CACNG7: variants seen among roughly 807,000 people sequenced by gnomAD.
CACNG7 encodes the protein calcium voltage-gated channel auxiliary subunit gamma 7.
Under a neutral mutation model 26.3 loss-of-function variants are expected in CACNG7, and 9 were observed. That is an observed-to-expected ratio of 0.34 (90% confidence interval 0.21 to 0.60). The LOEUF (loss-of-function observed/expected upper bound fraction) is 0.60, where lower values mean the gene tolerates loss of function less well. Ranked by LOEUF, CACNG7 falls within the 20% of genes least tolerant of loss-of-function variation. The probability of loss-of-function intolerance (pLI) is 0.81; values close to 1 mark genes in which losing one functional copy is unlikely to be tolerated. For missense variants in CACNG7, 297 were observed against 380.4 expected (o/e 0.78, Z 1.82); for synonymous variants, 170 against 157.0 (o/e 1.08, Z -0.62).
intron 4 of CACNG7, among the ~76,000 whole-genome samples, chr19:53,923,333 C>T (rs1250385841): frequency 1.8e-5 from 2 of 114,180 alleles, no homozygotes; most frequent in Non-Finnish European, 3.5e-5. Context: ...GGTGGAGTTG[C>T]CCCAGGCCTG....
rs1009795555 is a variant in CACNG7 at position 53,915,655 on chromosome 19, A to G, written c.424+150A>G. 6 of 897,564 alleles carry G rather than the reference A, an allele frequency of 6.7e-6. No homozygotes were observed. In the East Asian group the frequency reaches 1.3e-4, roughly 20 times the overall value. 55.6% of individuals were successfully genotyped at this position (897,564 alleles called of 1,614,324 possible). On this transcript the variant is annotated intron_variant, in intron 4 of 5. Coordinates refer to ENST00000391767, the MANE Select transcript of CACNG7 (RefSeq NM_031896.5). ...CACTTTCCTTCTATGTGCAATGGAA[A>G]TAGCAGTGCCCATTGCAAAGCGTCC...
At chr19:53,935,634 C>CTTTGTTTTTTTT (rs2069099881) in intron 4 of CACNG7, among the ~76,000 whole-genome samples, 1 of 42,254 alleles carries the variant, frequency 2.4e-5, no homozygotes, top group Non-Finnish European at 3.8e-5. Context: ...CCAATACTGT[C>CTTTGTTTTTTTT]TTTTTTTTTT....
chr19:53,922,421 T>C (rs1334751536), intron 4 of CACNG7, among the ~76,000 whole-genome samples: 12 of 88,104 alleles, frequency 1.4e-4, no homozygotes, highest in African/African-American at 4.6e-4. Context: ...GGTGGAGTTG[T>C]CCCAGGTCTG....
chr19:53,917,944 G>T (rs2068909216), intron 4 of CACNG7, among the ~76,000 whole-genome samples: 1 of 152,182 alleles, frequency 6.6e-6, no homozygotes, highest in African/African-American at 2.4e-5. Flanking sequence ...TCATGCTGAG[G>T]ATCAGTGGTG....
intron 1 of CACNG7, among the ~76,000 whole-genome samples, chr19:53,910,375 G>T (rs1283302808): frequency 6.6e-6 from 1 of 151,894 alleles, no homozygotes; most frequent in Non-Finnish European, 1.5e-5. Context: ...GGGGGAAGGA[G>T]GGGGGATCTG....
At chr19:53,918,165 T>C (rs556018563) in intron 4 of CACNG7, among the ~76,000 whole-genome samples, 8 of 152,246 alleles carry the variant, frequency 5.3e-5, no homozygotes, top group Non-Finnish European at 7.4e-5. Context: ...GGTTCAAATC[T>C]TGCCTCTACC....
intron 4 of CACNG7, among the ~76,000 whole-genome samples, chr19:53,916,798 CTTTT>C (rs1181417496): frequency 2.5e-5 from 3 of 120,042 alleles, no homozygotes; most frequent in Non-Finnish European, 5.2e-5. Flanking sequence ...CTGCGCCTGG[CTTTT>C]TTTTTTTTTT....
rs2068848422 is a variant in CACNG7 at position 53,909,425 on chromosome 19, C to CCGGTGG, written c.-118_-113dup. On this transcript the variant is annotated 5_prime_UTR_variant, in exon 1 of 6. Transcript: ENST00000391767. This position sits in a 1 kb window ranked among gnomAD's most constrained non-coding sequence, Gnocchi z 5.1. Reference sequence around the variant, plus strand: ...GCGGGGGGCGCGGGCACCGGCGACCCCGGTGGCGGCGGCGGCGGCCGGGGG... The same window carrying CCGGTGG: ...GCGGGGGGCGCGGGCACCGGCGACCCCGGTGGCGGTGGCGGCGGCGGCGGCCGGGGG... The CCGGTGG allele has an allele frequency of 1.3e-5, 2 of 148,972 alleles. No homozygotes were observed. Among genetic ancestry groups the CCGGTGG allele is most frequent in the African/African-American group, 2.4e-5 (1 of 40,982 alleles). The allele number at this position is 148,972 out of a possible 1,614,324, so 9.2% of individuals were successfully genotyped here. A position where few individuals can be genotyped will look rare whatever the true frequency, so the allele number is the denominator to read the frequency against.
intron 4 of CACNG7, among the ~76,000 whole-genome samples, chr19:53,927,419 A>T (rs1466163731): frequency 1.3e-5 from 2 of 152,146 alleles, no homozygotes; most frequent in African/African-American, 4.8e-5. Flanking sequence ...GAGACCAGGG[A>T]GGGCTCCCAG....
intron 4 of CACNG7, among the ~76,000 whole-genome samples, chr19:53,918,872 G>T (rs2068915717): frequency 6.6e-6 from 1 of 152,116 alleles, no homozygotes; most frequent in African/African-American, 2.4e-5. Flanking sequence ...AGGTTCAAGC[G>T]ATTCTCCTGC....
chr19:53,925,133 T>C (rs1176370235), intron 4 of CACNG7, among the ~76,000 whole-genome samples: 10 of 77,298 alleles, frequency 1.3e-4, no homozygotes, highest in South Asian at 4.7e-4. Context: ...TGGACTTGCC[T>C]AGGGCTGGTC....
In CACNG7 at chr19:53,912,864, G is replaced by A. The variant is rs2068869418; in HGVS notation, c.33G>A (p.Leu11=). 2 of 1,613,556 alleles carry A rather than the reference G, an allele frequency of 1.2e-6. No individual in the cohort carries two copies. The highest frequency in any genetic ancestry group is 1.7e-6 in the Non-Finnish European group (2 of 1,180,038). The part of the protein sequence containing the change: MSHCSSRALT[L]LSSVFGACGL... Reference sequence around the variant, plus strand: ...ACTGCAGCAGCCGCGCCCTGACCCTGCTGAGCAGCGTGTTTGGTGCGTGTG... The same window carrying A: ...ACTGCAGCAGCCGCGCCCTGACCCTACTGAGCAGCGTGTTTGGTGCGTGTG... Residue 11 remains leucine, a synonymous_variant, in exon 2 of 6, where the codon CTG becomes CTA. Transcript: ENST00000391767. This position sits in a 1 kb window ranked among gnomAD's most constrained non-coding sequence, Gnocchi z 4.6.
intron 4 of CACNG7, among the ~76,000 whole-genome samples, chr19:53,934,072 T>C (rs1216023995): frequency 1.3e-5 from 2 of 151,838 alleles, no homozygotes; most frequent in African/African-American, 2.4e-5. Flanking sequence ...TAATTTTGTA[T>C]TTTTAGTAGA....
At chr19:53,913,844 T>A (rs1331545740) in intron 2 of CACNG7, among the ~76,000 whole-genome samples, 3 of 144,382 alleles carry the variant, frequency 2.1e-5, no homozygotes, top group African/African-American at 7.7e-5. Context: ...CAAAGACCAA[T>A]TCATTGTAAG....
chr19:53,943,479 C>T lies in CACNG7; in HGVS notation c.*1186C>T, dbSNP rs1324188429. ...GCTGTACACGGAACCAGAATGGCCC[C>T]CGGGGTGGGGGGAGGGGGGCAGGGG... On this transcript the variant is annotated 3_prime_UTR_variant, in exon 6 of 6. Transcript: ENST00000391767. 1 of 120,538 alleles carries T rather than the reference C, an allele frequency of 8.3e-6. No homozygotes were observed. The highest frequency in any genetic ancestry group is 1.7e-5 in the Non-Finnish European group (1 of 58,214). 7.5% of individuals were successfully genotyped at this position (120,538 alleles called of 1,614,324 possible).
At position 53,912,560 on chromosome 19, in the gene CACNG7, G is replaced by C. The variant is rs1243172535; in HGVS notation, c.-29-243G>C. 6.6e-6 allele frequency among the ~76,000 whole-genome samples: 1 copy of C among 152,186 alleles called. No individual in the cohort carries two copies. The highest frequency in any genetic ancestry group is 1.5e-5 in the Non-Finnish European group (1 of 68,042). On this transcript the variant is annotated intron_variant, in intron 1 of 5. Coordinates refer to ENST00000391767, the MANE Select transcript of CACNG7 (RefSeq NM_031896.5). The surrounding 1 kb of genome is among the most constrained non-coding windows in gnomAD (Gnocchi z 4.6). ...ATCTAATTCTGGGGTTGGGGATCTG[G>C]ATCTGGAGCTAGACCACAGGCAGCA...
chr19:53,917,942 A>G (rs1483311279), intron 4 of CACNG7, among the ~76,000 whole-genome samples: 1 of 152,192 alleles, frequency 6.6e-6, no homozygotes, highest in Non-Finnish European at 1.5e-5. Context: ...GGTCATGCTG[A>G]GGATCAGTGG....
chr19:53,924,809 C>CTTGCCCCAGGTCTGGTCATTGGTGGAG (rs2069010353), intron 4 of CACNG7, among the ~76,000 whole-genome samples: 1 of 97,698 alleles, frequency 1.0e-5, no homozygotes, highest in Non-Finnish European at 2.0e-5. Flanking sequence ...CATTGGTGGA[C>CTTGCCCCAGGTCTGGTCATTGGTGGAG]TTGCCCCAGG....
chr19:53,924,720 T>TATTGGTGGAGTTGCCCCAGGTCTGGTC (rs2069008689), intron 4 of CACNG7, among the ~76,000 whole-genome samples: 1 of 141,288 alleles, frequency 7.1e-6, no homozygotes, highest in Admixed American at 7.2e-5. Flanking sequence ...CCAGTTCTGG[T>TATTGGTGGAGTTGCCCCAGGTCTGGTC]ATTGGTGGAG....
Sources: allele counts gnomAD v4.1 joint callset (sites outside exome capture counted in the v4.1 genomes callset), GRCh38; gene constraint gnomAD v4.1.1; non-coding constraint Gnocchi (gnomAD v3.1); transcripts MANE v1.5; gene names NCBI Gene and HGNC (gene_info 2026-07-23, HGNC 2026-07-21).